Variants in ABCB5 observed in about 807,000 individuals in gnomAD.
ABCB5 encodes ATP-binding cassette sub-family B member 5.
Under a neutral mutation model 144.2 loss-of-function variants are expected in ABCB5, and 155 were observed. The observed-to-expected ratio is 1.08, with a 90% CI of 0.94 to 1.23. ABCB5 has a LOEUF of 1.23. Ranked by LOEUF, ABCB5 falls within the 50% of genes most tolerant of loss-of-function variation. The probability of loss-of-function intolerance (pLI) is 0.00; values close to 1 mark genes in which losing one functional copy is unlikely to be tolerated. For synonymous variants in ABCB5, 610 were observed against 528.6 expected (o/e 1.15, Z -2.11); for missense variants, 1,830 against 1,520.8 (o/e 1.20, Z -3.38).
At chr7:20,732,105 A>G (rs1782240661) in intron 23 of ABCB5, among the ~76,000 whole-genome samples, 1 of 151,876 alleles carries the variant, frequency 6.6e-6, no homozygotes, top group Admixed American at 6.6e-5. Context: ...ATCCACCTCT[A>G]TCTCCCATGT....
At position 20,713,074 on chromosome 7, in the gene ABCB5, A is replaced by G. The variant is rs143625275; in HGVS notation, c.2421+8267A>G. On this transcript the variant is annotated intron_variant, in intron 20 of 27. Transcript: ENST00000404938. ...CCCCCTGAATCCCCATCTCCTAGAA[A>G]CCATGATTTTACTCTCTGTCTCTAT... Among the ~76,000 whole-genome samples, 150 of 149,740 alleles carry G rather than the reference A, an allele frequency of 1.0e-3. 13 individuals carry two copies. Among genetic ancestry groups the G allele is most frequent in the African/African-American group, 3.5e-3 (141 of 40,592 alleles).
intron 22 of ABCB5, 54 bp from the exon 23 acceptor site, chr7:20,728,261 A>C (rs539890039): frequency 2.6e-5 from 42 of 1,589,824 alleles, no homozygotes; most frequent in Non-Finnish European, 3.5e-5. Context: ...CATGTATTCA[A>C]TTGACCTTGC....
At chr7:20,682,851 C>T (rs1262266300) in intron 15 of ABCB5, among the ~76,000 whole-genome samples, 31 of 152,192 alleles carry the variant, frequency 2.0e-4, no homozygotes, top group Admixed American at 2.0e-3. Flanking sequence ...AATTCCCCTT[C>T]TTTAGGATCC....
In ABCB5 at chr7:20,755,458, C is replaced by T. The variant is rs201597640; in HGVS notation, c.3608C>T (p.Thr1203Met). 124 of 1,614,156 alleles carry T rather than the reference C, an allele frequency of 7.7e-5. 1 individual carries two copies. Among genetic ancestry groups the T allele is most frequent in the Middle Eastern group, 1.6e-4 (1 of 6,062 alleles). The change falls in exon 28 of 28, where the codon ACG (threonine) becomes ATG (methionine). Residue 1203 changes from threonine (T) to methionine (M), a missense_variant. Physicochemically the swap from Thr to Met is moderately conservative, Grantham distance 81. Transcript: ENST00000404938. ...CAGCATGCCCTTGATAAAGCCAGGA[C>T]GGGAAGGACATGCCTAGTGGTCACT... Reference protein sequence around the residue: ...VVQHALDKARTGRTCLVVTHR... With the variant: ...VVQHALDKARMGRTCLVVTHR...
chr7:20,753,822 T>G (rs1311665000), intron 27 of ABCB5, among the ~76,000 whole-genome samples: 1 of 152,228 alleles, frequency 6.6e-6, no homozygotes, highest in Non-Finnish European at 1.5e-5. Context: ...ACTTTTCAAT[T>G]TTATTATTAT....
At chr7:20,631,384 A>G (rs1334764980) in intron 4 of ABCB5, among the ~76,000 whole-genome samples, 1 of 152,146 alleles carries the variant, frequency 6.6e-6, no homozygotes, top group East Asian at 1.9e-4. Flanking sequence ...TTATGGTTAT[A>G]ACAGATGAAG....
At chr7:20,704,300 C>T (rs1166823959) in intron 19 of ABCB5, among the ~76,000 whole-genome samples, 1 of 151,882 alleles carries the variant, frequency 6.6e-6, no homozygotes, top group Non-Finnish European at 1.5e-5. Context: ...TGGTCTCGAC[C>T]CCCTAGACTC....
intron 1 of ABCB5, among the ~76,000 whole-genome samples, chr7:20,620,981 G>A (rs1221893116): frequency 1.3e-5 from 2 of 152,030 alleles, no homozygotes; most frequent in Non-Finnish European, 2.9e-5. Context: ...TAGCCAAAAG[G>A]TGAAAACAAT....
At position 20,647,667 on chromosome 7, in the gene ABCB5, T is replaced by A. The variant is rs745873674; in HGVS notation, c.1095+19T>A. On this transcript the variant is annotated intron_variant, in intron 10 of 27. Coordinates refer to ENST00000404938, the MANE Select transcript of ABCB5 (RefSeq NM_001163941.2). ...TGATAAGGTAAGACCTCTTATTGCT[T>A]TGAAGAATAACTATCATTACTGCAA... 7.7e-6 allele frequency: 12 copies of A among 1,548,572 alleles called. No homozygotes were observed. Among genetic ancestry groups the A allele is most frequent in the Admixed American group, 2.1e-5 (1 of 48,780 alleles).
At chr7:20,626,748 AT>A (rs1002801506) in intron 3 of ABCB5, 137 bp downstream of exon 3, 1 of 733,938 alleles carries the variant, frequency 1.4e-6, no homozygotes, top group African/African-American at 1.8e-5. Context: ...TTAAAGTATG[AT>A]TTTCGATAGA....
intron 23 of ABCB5, among the ~76,000 whole-genome samples, chr7:20,733,652 T>C (rs557472859): frequency 6.6e-6 from 1 of 151,232 alleles, no homozygotes; most frequent in East Asian, 1.9e-4. Context: ...TTTTTTTTTT[T>C]TTTTAAGTTC....
intron 14 of ABCB5, chr7:20,666,705 C>T: frequency 6.4e-7 from 1 of 1,571,512 alleles, no homozygotes; most frequent in South Asian, 1.2e-5. Flanking sequence ...TTTGTGTAAT[C>T]TGTGAAGTAG....
chr7:20,648,408 T>C (rs1784479197), intron 11 of ABCB5, among the ~76,000 whole-genome samples: 1 of 152,200 alleles, frequency 6.6e-6, no homozygotes, highest in African/African-American at 2.4e-5. Context: ...CATACTCATT[T>C]TAACCCCCTC....
chr7:20,680,297 G>A (rs909981513), intron 14 of ABCB5, among the ~76,000 whole-genome samples: 2 of 152,000 alleles, frequency 1.3e-5, no homozygotes, highest in Admixed American at 6.6e-5. Context: ...CGGTGGTCAC[G>A]CCTGTAATCC....
chr7:20,624,561 A>C (rs1783867336), intron 2 of ABCB5, among the ~76,000 whole-genome samples: 1 of 152,222 alleles, frequency 6.6e-6, no homozygotes, highest in East Asian at 1.9e-4. Context: ...AGAAAATAGC[A>C]ACAGGAATTG....
At chr7:20,624,692 G>C (rs1355574118) in intron 2 of ABCB5, among the ~76,000 whole-genome samples, 1 of 152,200 alleles carries the variant, frequency 6.6e-6, no homozygotes, top group Non-Finnish European at 1.5e-5. Context: ...GCTAAGAGCA[G>C]AATCTTCGCT....
Position 20,668,176 on chromosome 7 carries a change from G to GC in ABCB5, c.1707+9506dup, listed in dbSNP as rs574239621. ...GGGAAGTGAGGAGCGTCTCTGCCTGGCCCCCCATCGTCTGGGATATGAGGA... is the reference window on the plus strand; with the variant it reads ...GGGAAGTGAGGAGCGTCTCTGCCTGGCCCCCCCATCGTCTGGGATATGAGGA... On this transcript the variant is annotated intron_variant, in intron 14 of 27. Transcript: ENST00000404938. Among the ~76,000 whole-genome samples, 925 of 143,260 alleles carry GC rather than the reference G, an allele frequency of 6.5e-3. 2 individuals carry two copies. Among genetic ancestry groups the GC allele is most frequent in the African/African-American group, 0.022 (818 of 36,970 alleles). The allele number at this position is 143,260 out of a possible 152,430, so 94.0% of individuals were successfully genotyped here.
intron 20 of ABCB5, 82 bp downstream of exon 20, chr7:20,704,889 G>A: frequency 8.5e-7 from 1 of 1,181,214 alleles, no homozygotes; most frequent in Non-Finnish European, 1.2e-6. Flanking sequence ...GTGCATATAT[G>A]TGAGCTGTGC....
At chr7:20,693,476 A>G (rs1394108735) in intron 16 of ABCB5, among the ~76,000 whole-genome samples, 1 of 152,180 alleles carries the variant, frequency 6.6e-6, no homozygotes, top group East Asian at 1.9e-4. Context: ...ATATTTATAA[A>G]CTACATAACT....
Sources: gnomAD v4.1 joint callset for allele counts (sites outside exome capture counted in the v4.1 genomes callset) on GRCh38, gnomAD v4.1.1 for gene constraint, MANE v1.5 for transcripts, NCBI Gene and HGNC (gene_info 2026-07-23, HGNC 2026-07-21) for gene names.